Variants in SEMA6D observed in about 807,000 individuals in gnomAD.
The protein encoded by SEMA6D is semaphorin-6D.
A neutral mutation model predicts 106.6 loss-of-function variants in SEMA6D; 35 were observed. The ratio of observed to expected loss-of-function variants is 0.33; its 90% confidence interval spans 0.25 to 0.44. The LOEUF is 0.44. Among genes scored for constraint, SEMA6D ranks in the 20% least tolerant of loss-of-function variants. The pLI is 1.00. For synonymous variants in SEMA6D, 499 were observed against 487.7 expected, an observed-to-expected ratio of 1.02 and a Z score of -0.31; for missense variants, 1,185 against 1,345.9, an observed-to-expected ratio of 0.88 and a Z score of 1.87.
intron 3 of SEMA6D, among the ~76,000 whole-genome samples, chr15:47,500,665 TG>T (rs2043818566): frequency 6.6e-6 from 1 of 152,188 alleles, no homozygotes; most frequent in Non-Finnish European, 1.5e-5. Flanking sequence ...AGCAGTGTGA[TG>T]TGGGACCCAG....
At chr15:47,313,611 C>A (rs886648950) in intron 1 of SEMA6D, among the ~76,000 whole-genome samples, 1 of 152,128 alleles carries the variant, frequency 6.6e-6, no homozygotes, top group Non-Finnish European at 1.5e-5. Context: ...GTTGCCTAGG[C>A]TGGAGTGCAG....
intron 1 of SEMA6D, among the ~76,000 whole-genome samples, chr15:47,227,625 A>C (rs1008680733): frequency 6.8e-6 from 1 of 148,074 alleles, no homozygotes; most frequent in Non-Finnish European, 1.5e-5. Flanking sequence ...ATCTTCTTCT[A>C]AAAATATGAG....
chr15:47,535,518 G>A (rs376578568), intron 3 of SEMA6D, among the ~76,000 whole-genome samples: 12 of 152,056 alleles, frequency 7.9e-5, no homozygotes, highest in South Asian at 4.2e-4. Context: ...CTGAAAAACC[G>A]TTCTATTAGC....
At chr15:47,591,202 C>A (rs965761136) in intron 3 of SEMA6D, among the ~76,000 whole-genome samples, 1 of 152,172 alleles carries the variant, frequency 6.6e-6, no homozygotes, top group African/African-American at 2.4e-5. Flanking sequence ...AACTAACAGA[C>A]TCCCTCTTGT....
Position 47,577,887 on chromosome 15 carries a change from A to T in SEMA6D, c.-86-22978A>T, listed in dbSNP as rs137945344. On this transcript the variant is annotated intron_variant, in intron 3 of 19. Coordinates refer to the SEMA6D transcript ENST00000558014. The stretch of plus-strand genomic sequence containing the variant: ...ATATGTGTAAAAAAATGTCTTACTG[A>T]TTTTTCTTTTCAAAATATGCATGTG... 1.6e-4 allele frequency among the ~76,000 whole-genome samples: 24 copies of T among 152,270 alleles called. No individual in the cohort carries two copies. The East Asian group carries it at 4.4e-3, about 28-fold the overall frequency.
intron 4 of SEMA6D, among the ~76,000 whole-genome samples, chr15:47,601,823 A>G (rs1192715196): frequency 6.6e-6 from 1 of 152,190 alleles, no homozygotes; most frequent in African/African-American, 2.4e-5. Flanking sequence ...TCTACTCATA[A>G]AGACTAGTAT....
At chr15:47,217,265 T>G (rs1262260668) in intron 1 of SEMA6D, among the ~76,000 whole-genome samples, 2 of 152,168 alleles carry the variant, frequency 1.3e-5, no homozygotes, top group Admixed American at 1.3e-4. Context: ...CTGAAGGAAA[T>G]TGGCATGATT....
At chr15:47,687,418 G>A (rs186841833) in intron 4 of SEMA6D, among the ~76,000 whole-genome samples, 1 of 152,208 alleles carries the variant, frequency 6.6e-6, no homozygotes, top group Non-Finnish European at 1.5e-5. Flanking sequence ...TGTCTTCCAT[G>A]CCCCAAGAAG....
At chr15:47,273,257 A>AT (rs2034641372) in intron 1 of SEMA6D, among the ~76,000 whole-genome samples, 1 of 151,646 alleles carries the variant, frequency 6.6e-6, no homozygotes, top group Non-Finnish European at 1.5e-5. Context: ...GCCTTAAAAA[A>AT]AAAAAGCACC....
In SEMA6D at chr15:47,770,490, A is replaced by C; in HGVS notation, c.1934-7A>C. On this transcript the variant is annotated splice_polypyrimidine_tract_variant and splice_region_variant and intron_variant, in intron 18 of 18. Transcript: ENST00000536845. ...CTTATTCACATTGTCCCATGTGTCT[A>C]TTTCAGGTGTACGATGGGAAGTCCA... 6.3e-7 allele frequency: 1 copy of C among 1,576,392 alleles called. No individual in the cohort carries two copies. The highest frequency in any genetic ancestry group is 8.6e-7 in the Non-Finnish European group (1 of 1,156,730).
At chr15:47,676,489 GA>G (rs1566978413) in intron 4 of SEMA6D, among the ~76,000 whole-genome samples, 4 of 152,206 alleles carry the variant, frequency 2.6e-5, no homozygotes, top group African/African-American at 9.6e-5. Context: ...TTAGTGCCAT[GA>G]CTACCCCTAG....
chr15:47,317,471 T>C (rs1235242490), intron 1 of SEMA6D, among the ~76,000 whole-genome samples: 1 of 152,234 alleles, frequency 6.6e-6, no homozygotes, highest in Admixed American at 6.5e-5. Context: ...CCTTTCTTTA[T>C]GTAGATTCAC....
chr15:47,288,453 G>C (rs1270714663), intron 1 of SEMA6D, among the ~76,000 whole-genome samples: 3 of 152,214 alleles, frequency 2.0e-5, no homozygotes, highest in East Asian at 1.9e-4. Flanking sequence ...TTGGTAATTT[G>C]ATTTTACCAA....
intron 1 of SEMA6D, among the ~76,000 whole-genome samples, chr15:47,410,391 T>G (rs916074377): frequency 1.3e-5 from 2 of 152,234 alleles, no homozygotes; most frequent in Non-Finnish European, 2.9e-5. Context: ...GGTTTATATC[T>G]GCCCTCCAAA....
At chr15:47,501,695 A>G (rs1380189554) in intron 3 of SEMA6D, among the ~76,000 whole-genome samples, 1 of 152,216 alleles carries the variant, frequency 6.6e-6, no homozygotes, top group Non-Finnish European at 1.5e-5. Context: ...TCCATGGCCA[A>G]GGAGCTGAAT....
At chr15:47,630,387 G>A (rs2077272348) in intron 4 of SEMA6D, among the ~76,000 whole-genome samples, 1 of 151,714 alleles carries the variant, frequency 6.6e-6, no homozygotes, top group Non-Finnish European at 1.5e-5. Context: ...TTATAATACT[G>A]TGTTTTTATT....
intron 2 of SEMA6D, among the ~76,000 whole-genome samples, chr15:47,424,318 G>GT (rs1280445819): frequency 6.6e-6 from 1 of 151,580 alleles, no homozygotes; most frequent in Admixed American, 6.6e-5. Flanking sequence ...ATACAGAGCC[G>GT]TAAGATATTG....
intron 1 of SEMA6D, among the ~76,000 whole-genome samples, chr15:47,256,657 G>A (rs761271822): frequency 4.2e-4 from 64 of 152,140 alleles, no homozygotes; most frequent in African/African-American, 1.4e-3. Flanking sequence ...TCAGGAGTTC[G>A]AGACCAGCCT....
intron 1 of SEMA6D, among the ~76,000 whole-genome samples, chr15:47,312,398 A>T (rs2036486728): frequency 1.3e-5 from 2 of 152,006 alleles, no homozygotes; most frequent in Admixed American, 1.3e-4. Flanking sequence ...TTCTTTTTAC[A>T]TGTTTATCTT....
Sources: allele counts gnomAD v4.1 joint callset (sites outside exome capture counted in the v4.1 genomes callset), GRCh38; gene constraint gnomAD v4.1.1; transcripts MANE v1.5; gene names NCBI Gene and HGNC (gene_info 2026-07-23, HGNC 2026-07-21).